The following FBXL4 variants were observed in gnomAD, a reference collection of about 807,000 sequenced individuals.
FBXL4 encodes F-box and leucine rich repeat protein 4, also known as F-box/LRR-repeat protein 4.
A neutral mutation model predicts 58.9 loss-of-function variants in FBXL4; 40 were observed. That is an observed-to-expected ratio of 0.68 (90% CI 0.53 to 0.88). FBXL4 has a LOEUF of 0.88. FBXL4 is among the 40% of genes least tolerant of loss of function. The probability of loss-of-function intolerance (pLI) is 0.00; values close to 1 mark genes in which losing one functional copy is unlikely to be tolerated. For synonymous variants in FBXL4, 263 were observed against 265.5 expected (o/e 0.99, Z 0.09); for missense variants, 676 against 734.4 (o/e 0.92, Z 0.92).
intron 1 of FBXL4, among the ~76,000 whole-genome samples, chr6:98,942,573 T>C (rs527432752): frequency 2.2e-4 from 34 of 152,122 alleles, no homozygotes; most frequent in Non-Finnish European, 4.3e-4. Flanking sequence ...TGTAAGACCC[T>C]TGCTCCTGCT....
chr6:98,874,536 T>G, intron 9 of FBXL4, 95 bp from the exon 10 acceptor site: 1 of 1,291,382 alleles, frequency 7.7e-7, no homozygotes, highest in Admixed American at 2.8e-5. Context: ...ATTTATTGTT[T>G]GTAATGAACT....
intron 2 of FBXL4, among the ~76,000 whole-genome samples, chr6:98,931,885 T>C (rs1773025127): frequency 6.6e-6 from 1 of 152,212 alleles, no homozygotes; most frequent in South Asian, 2.1e-4. Context: ...AATGCAGAAG[T>C]CCAAATTGTC....
intron 1 of FBXL4, among the ~76,000 whole-genome samples, chr6:98,941,128 T>C (rs1040829134): frequency 7.2e-5 from 11 of 152,160 alleles, no homozygotes; most frequent in African/African-American, 2.7e-4. Flanking sequence ...CAAATGTTTA[T>C]AGCAGATTTA....
chr6:98,918,284 T>C (rs13208382), intron 4 of FBXL4, among the ~76,000 whole-genome samples: 1,962 of 152,322 alleles, frequency 0.013, 21 homozygotes, highest in Non-Finnish European at 0.019. Flanking sequence ...TATATTTAAG[T>C]TATCCTTATA....
intron 7 of FBXL4, among the ~76,000 whole-genome samples, chr6:98,884,367 G>A (rs1382535060): frequency 1.3e-5 from 2 of 152,072 alleles, no homozygotes; most frequent in African/African-American, 2.4e-5. Flanking sequence ...GAATCAGAAA[G>A]ACAGAAACTT....
chr6:98,906,385 T>C (rs1244371782), intron 5 of FBXL4, among the ~76,000 whole-genome samples: 1 of 148,084 alleles, frequency 6.8e-6, no homozygotes, highest in Non-Finnish European at 1.5e-5. Context: ...GGTGTTCTCA[T>C]TGTTCAGCTC....
At chr6:98,884,374 A>G (rs1770958649) in intron 7 of FBXL4, among the ~76,000 whole-genome samples, 2 of 152,118 alleles carry the variant, frequency 1.3e-5, no homozygotes, top group Non-Finnish European at 2.9e-5. Flanking sequence ...AAAGACAGAA[A>G]CTTAAATAAC....
intron 5 of FBXL4, among the ~76,000 whole-genome samples, chr6:98,910,210 G>A (rs527256958): frequency 2.8e-4 from 42 of 152,104 alleles, no homozygotes; most frequent in Non-Finnish European, 4.6e-4. Context: ...GGAATATTTC[G>A]AAACTGGTGG....
At chr6:98,946,961 A>C (rs1378474034) in intron 1 of FBXL4, among the ~76,000 whole-genome samples, 1 of 152,172 alleles carries the variant, frequency 6.6e-6, no homozygotes, top group Non-Finnish European at 1.5e-5. Flanking sequence ...GAACTTAAGA[A>C]ACCAAGGAGT....
intron 5 of FBXL4, among the ~76,000 whole-genome samples, chr6:98,915,357 A>G (rs1208269822): frequency 1.3e-5 from 2 of 152,154 alleles, no homozygotes; most frequent in Non-Finnish European, 2.9e-5. Context: ...AGCCCACATC[A>G]CCAAGTCAAT....
intron 1 of FBXL4, among the ~76,000 whole-genome samples, chr6:98,940,878 G>C (rs189525543): frequency 1.1e-4 from 17 of 152,306 alleles, no homozygotes; most frequent in African/African-American, 3.8e-4. Flanking sequence ...GACCTGGGAA[G>C]TATTTGCTCT....
chr6:98,877,067 C>T (rs1482443816), intron 8 of FBXL4, among the ~76,000 whole-genome samples: 1 of 151,976 alleles, frequency 6.6e-6, no homozygotes, highest in Admixed American at 6.6e-5. Context: ...ATGACAGGGA[C>T]TTGGATTAAG....
At chr6:98,912,565 C>A (rs1772134773) in intron 5 of FBXL4, among the ~76,000 whole-genome samples, 1 of 152,036 alleles carries the variant, frequency 6.6e-6, no homozygotes, top group Admixed American at 6.5e-5. Flanking sequence ...AATTTTATAT[C>A]CAGCCAAACT....
chr6:98,940,072 AGTGT>A (rs745756607), intron 1 of FBXL4, among the ~76,000 whole-genome samples: 3 of 152,216 alleles, frequency 2.0e-5, no homozygotes, highest in African/African-American at 7.2e-5. Flanking sequence ...ACATTCTGTA[AGTGT>A]GTGACTACCT....
In FBXL4 at chr6:98,899,310, T is replaced by C. The variant is rs956865665; in HGVS notation, c.1275A>G (p.Leu425=). The part of the protein sequence containing the change: ...PPQAFNHIAK[L]CSLKRLVLYR... ...AGAGAACAAGTCGTTTAAGGCTGCA[T>C]AACTTGGCAATGTGGTTGAAAGCTT... The change falls in exon 7 of 10, where the codon TTA becomes TTG. Residue 425 remains leucine, a synonymous_variant. Transcript: ENST00000369244. 64 of 1,613,954 alleles carry C rather than the reference T, an allele frequency of 4.0e-5. No individual in the cohort carries two copies. The highest frequency in any genetic ancestry group is 4.4e-5 in the Non-Finnish European group (52 of 1,179,964).
chr6:98,875,780 T>A, intron 8 of FBXL4, 53 bp from the exon 9 acceptor site: 1 of 1,521,998 alleles, frequency 6.6e-7, no homozygotes, highest in Non-Finnish European at 9.1e-7. Flanking sequence ...ACATGCAAAC[T>A]GTTTAGAGTA....
At chr6:98,884,268 C>T (rs890046566) in intron 7 of FBXL4, among the ~76,000 whole-genome samples, 1 of 151,970 alleles carries the variant, frequency 6.6e-6, no homozygotes, top group Admixed American at 6.6e-5. Context: ...TGTTAGGCAC[C>T]GTTTAGGCAC....
chr6:98,912,953 A>G (rs1772158021), intron 5 of FBXL4, among the ~76,000 whole-genome samples: 1 of 152,034 alleles, frequency 6.6e-6, no homozygotes. Context: ...AGAGACACAC[A>G]TAGGCTCAAA....
chr6:98,874,768 C>T (rs1208756089), intron 9 of FBXL4, among the ~76,000 whole-genome samples: 1 of 152,132 alleles, frequency 6.6e-6, no homozygotes. Flanking sequence ...ATGGTTTTCA[C>T]CATGCATTTG....
Sources: allele counts gnomAD v4.1 joint callset (sites outside exome capture counted in the v4.1 genomes callset), GRCh38; gene constraint gnomAD v4.1.1; transcripts MANE v1.5; gene names NCBI Gene and HGNC (gene_info 2026-07-23, HGNC 2026-07-21).